The following AGBL4 variants were observed in gnomAD, a reference collection of about 807,000 sequenced individuals.
AGBL4 encodes the protein cytosolic carboxypeptidase 6.
A neutral mutation model predicts 66.4 loss-of-function variants in AGBL4; 58 were observed. The observed-to-expected ratio is 0.87, with a 90% CI of 0.71 to 1.09. AGBL4 has a LOEUF of 1.09. Among genes scored for constraint, AGBL4 ranks in the 50% least tolerant of loss-of-function variants. AGBL4 has a pLI of 0.00. For missense variants in AGBL4, 579 were observed against 631.0 expected, an observed-to-expected ratio of 0.92 and a Z score of 0.88; for synonymous variants, 234 against 222.9, an observed-to-expected ratio of 1.05 and a Z score of -0.44.
At chr1:49,970,742 C>T (rs867584950) in intron 1 of AGBL4, among the ~76,000 whole-genome samples, 1 of 99,840 alleles carries the variant, frequency 1.0e-5, no homozygotes, top group African/African-American at 3.4e-5. Context: ...CACACACACA[C>T]ACACATACAC....
At chr1:49,734,982 T>C (rs1425131083) in intron 2 of AGBL4, among the ~76,000 whole-genome samples, 1 of 152,150 alleles carries the variant, frequency 6.6e-6, no homozygotes, top group Non-Finnish European at 1.5e-5. Context: ...AATCAATTTG[T>C]CTTCCACAAA....
chr1:49,919,243 G>A (rs544619711), intron 1 of AGBL4, among the ~76,000 whole-genome samples: 2 of 152,130 alleles, frequency 1.3e-5, no homozygotes, highest in Non-Finnish European at 2.9e-5. Context: ...AGGGCAATCA[G>A]GCAGGAGAAA....
chr1:49,827,510 C>T (rs1407133859), intron 2 of AGBL4, among the ~76,000 whole-genome samples: 3 of 152,096 alleles, frequency 2.0e-5, no homozygotes, highest in Admixed American at 1.3e-4. Flanking sequence ...CAGACACAAT[C>T]GGATAGTTTA....
At chr1:49,682,633 C>T (rs1251783267) in intron 3 of AGBL4, among the ~76,000 whole-genome samples, 1 of 152,168 alleles carries the variant, frequency 6.6e-6, no homozygotes, top group African/African-American at 2.4e-5. Context: ...CAGACGAAGG[C>T]CCTAGAGCAG....
intron 2 of AGBL4, among the ~76,000 whole-genome samples, chr1:49,764,602 C>G (rs957279499): frequency 3.3e-5 from 5 of 152,022 alleles, no homozygotes; most frequent in Non-Finnish European, 5.9e-5. Flanking sequence ...GACTGTCTAC[C>G]CTATTCCAAC....
chr1:49,332,895 G>A (rs865995845), intron 3 of AGBL4, among the ~76,000 whole-genome samples: 7 of 152,206 alleles, frequency 4.6e-5, no homozygotes, highest in Middle Eastern at 3.4e-3. Flanking sequence ...GTGTAAAAGC[G>A]TTCCTATTTC....
chr1:49,673,511 T>C (rs1373999534), intron 3 of AGBL4, among the ~76,000 whole-genome samples: 2 of 152,324 alleles, frequency 1.3e-5, no homozygotes. Flanking sequence ...TACCCCATTC[T>C]TCGTGATGTG....
chr1:48,893,806 C>G (rs1014708520), intron 5 of AGBL4, among the ~76,000 whole-genome samples: 2 of 152,156 alleles, frequency 1.3e-5, no homozygotes, highest in Non-Finnish European at 2.9e-5. Flanking sequence ...AGAGAGGGCC[C>G]TCAGCAGAAC....
At chr1:49,075,574 C>A (rs1446823720) in intron 4 of AGBL4, among the ~76,000 whole-genome samples, 2 of 152,018 alleles carry the variant, frequency 1.3e-5, no homozygotes, top group East Asian at 3.9e-4. Flanking sequence ...TATGGAGCCC[C>A]TAAATGCAGG....
chr1:48,781,390 C>T (rs1645289317), intron 6 of AGBL4, among the ~76,000 whole-genome samples: 1 of 152,234 alleles, frequency 6.6e-6, no homozygotes, highest in African/African-American at 2.4e-5. Context: ...GGAAAACCTA[C>T]TATGTGCCAT....
chr1:48,958,661 T>C (rs1183128383), intron 5 of AGBL4, among the ~76,000 whole-genome samples: 1 of 152,188 alleles, frequency 6.6e-6, no homozygotes, highest in Non-Finnish European at 1.5e-5. Flanking sequence ...TTCTAGGATT[T>C]CTTAGTACCT....
At chr1:49,667,576 G>C (rs1161916609) in intron 3 of AGBL4, among the ~76,000 whole-genome samples, 1 of 152,128 alleles carries the variant, frequency 6.6e-6, no homozygotes, top group East Asian at 1.9e-4. Flanking sequence ...TGTAGGCCTA[G>C]TAGGAATAAA....
At chr1:49,759,359 C>G (rs2147857813) in intron 2 of AGBL4, among the ~76,000 whole-genome samples, 1 of 152,194 alleles carries the variant, frequency 6.6e-6, no homozygotes, top group Non-Finnish European at 1.5e-5. Context: ...TAAAATATAC[C>G]TAGACAGCAC....
At chr1:49,647,184 T>C (rs1167153757) in intron 3 of AGBL4, among the ~76,000 whole-genome samples, 1 of 151,830 alleles carries the variant, frequency 6.6e-6, no homozygotes, top group Admixed American at 6.6e-5. Context: ...TGAGACATCA[T>C]CAAAATTAAG....
chr1:48,851,897 T>C lies in AGBL4; in HGVS notation c.634+15294A>G, dbSNP rs1038300494. 1.1e-4 allele frequency among the ~76,000 whole-genome samples: 17 copies of C among 150,038 alleles called. No individual in the cohort carries two copies. In the East Asian group the frequency reaches 3.3e-3, roughly 29 times the overall value. On this transcript the variant is annotated intron_variant, in intron 6 of 13. Transcript: ENST00000371839. ...AGAGAATGACCTAATATCCTGTGGC[T>C]AAGTTATTGAGAAAAATAAAAAACA... is the stretch of plus-strand genomic sequence containing the variant.
chr1:49,276,608 G>A (rs164835), intron 3 of AGBL4, among the ~76,000 whole-genome samples: 7,778 of 152,100 alleles, frequency 0.051, 616 homozygotes, highest in African/African-American at 0.17. Context: ...ACCTTTAAAG[G>A]TCTGATAGAA....
intron 3 of AGBL4, among the ~76,000 whole-genome samples, chr1:49,628,363 TA>T: frequency 6.6e-6 from 1 of 152,236 alleles, no homozygotes; most frequent in East Asian, 1.9e-4. Context: ...ATCTTATGTA[TA>T]ACCAAGCATA....
At chr1:48,561,387 T>C (rs755358232) in intron 11 of AGBL4, among the ~76,000 whole-genome samples, 3 of 152,146 alleles carry the variant, frequency 2.0e-5, no homozygotes, top group African/African-American at 7.2e-5. Flanking sequence ...ATGTAGTAAT[T>C]ATGTAATCTT....
chr1:49,914,864 C>T (rs891185252), intron 1 of AGBL4, among the ~76,000 whole-genome samples: 2 of 151,956 alleles, frequency 1.3e-5, no homozygotes, highest in African/African-American at 2.4e-5. Context: ...GACAGAAGAG[C>T]AAAAGGGCCC....
Sources: gnomAD v4.1 joint callset for allele counts (sites outside exome capture counted in the v4.1 genomes callset) on GRCh38, gnomAD v4.1.1 for gene constraint, MANE v1.5 for transcripts, NCBI Gene and HGNC (gene_info 2026-07-23, HGNC 2026-07-21) for gene names.